STXBP5: variants seen among roughly 807,000 people sequenced by gnomAD.
The protein encoded by STXBP5 is syntaxin binding protein 5.
Under a neutral mutation model 152.4 loss-of-function variants are expected in STXBP5, and 50 were observed. That is an observed-to-expected ratio of 0.33 (90% confidence interval 0.26 to 0.42). STXBP5 has a LOEUF of 0.42. STXBP5 is among the 10% of genes least tolerant of loss of function. The pLI, the probability that STXBP5 is intolerant of heterozygous loss-of-function variation, is 1.00. For missense variants in STXBP5, 1,167 were observed against 1,388.6 expected (o/e 0.84, Z 2.54); for synonymous variants, 492 against 494.7 (o/e 0.99, Z 0.07).
chr6:147,268,094 A>G lies in STXBP5; in HGVS notation c.714+927A>G, dbSNP rs78549214. On this transcript the variant is annotated intron_variant, in intron 7 of 27. Coordinates refer to ENST00000321680, the MANE Select transcript of STXBP5 (RefSeq NM_001127715.4). ...TCTCTAATGGTTTCCATGATGACCA[A>G]TTTATTCTGACTTTTAGTTTCACTG... Among the ~76,000 whole-genome samples the G allele has an allele frequency of 7.3e-3, 1,114 of 152,222 alleles. 15 individuals carry two copies. Among genetic ancestry groups the G allele is most frequent in the African/African-American group, 0.026 (1,064 of 41,536 alleles).
rs570963142 is a variant in STXBP5 at position 147,235,431 on chromosome 6, G to C, written c.330+100G>C. Reference sequence around the variant, plus strand: ...GCATTCACAATTTATTTACATATTTGAACAAAAATTAATTTATAATGGATC... The same window carrying C: ...GCATTCACAATTTATTTACATATTTCAACAAAAATTAATTTATAATGGATC... On this transcript the variant is annotated intron_variant, in intron 3 of 27. Coordinates refer to ENST00000321680, the MANE Select transcript of STXBP5 (RefSeq NM_001127715.4). 59 of 907,402 alleles carry C rather than the reference G, an allele frequency of 6.5e-5. No individual in the cohort carries two copies. The African/African-American group carries it at 8.7e-4, about 13-fold the overall frequency. 56.2% of individuals were successfully genotyped at this position (907,402 alleles called of 1,614,324 possible).
intron 2 of STXBP5, among the ~76,000 whole-genome samples, chr6:147,224,565 G>T (rs912072618): frequency 3.9e-5 from 6 of 152,220 alleles, no homozygotes; most frequent in African/African-American, 1.4e-4. Context: ...CTACAGCACA[G>T]TTAGATTGTT....
At chr6:147,316,543 A>G (rs144231123) in intron 16 of STXBP5, 136 bp downstream of exon 16, 58 of 773,872 alleles carry the variant, frequency 7.5e-5, no homozygotes, top group East Asian at 6.2e-4. Context: ...GTGTTTTGCT[A>G]TGGTTAGTCC....
intron 9 of STXBP5, among the ~76,000 whole-genome samples, chr6:147,296,606 A>G (rs915314118): frequency 1.3e-5 from 2 of 152,208 alleles, no homozygotes; most frequent in African/African-American, 4.8e-5. Context: ...AGAGGAACAC[A>G]ATAATTCTTC....
At chr6:147,287,127 T>G (rs903034234) in intron 8 of STXBP5, among the ~76,000 whole-genome samples, 1 of 147,868 alleles carries the variant, frequency 6.8e-6, no homozygotes, top group Non-Finnish European at 1.5e-5. Context: ...GGGGTATTAA[T>G]CCCCTCAAAC....
In STXBP5 at chr6:147,388,397, A is replaced by T. The variant is rs1455473660; in HGVS notation, c.*3642A>T. 6.6e-6 allele frequency: 1 copy of T among 151,704 alleles called. No individual in the cohort carries two copies. The highest frequency in any genetic ancestry group is 2.4e-5 in the African/African-American group (1 of 41,418). 9.4% of individuals were successfully genotyped at this position (151,704 alleles called of 1,614,324 possible). A position where few individuals can be genotyped will look rare whatever the true frequency, so the allele number is the denominator to read the frequency against. Reference sequence around the variant, plus strand: ...ACTTTCAGATTTGTTTTAAGATCATACAGTAACATGTTATATTTATACATA... The same window carrying T: ...ACTTTCAGATTTGTTTTAAGATCATTCAGTAACATGTTATATTTATACATA... On this transcript the variant is annotated 3_prime_UTR_variant, in exon 28 of 28. Coordinates refer to ENST00000321680, the MANE Select transcript of STXBP5 (RefSeq NM_001127715.4).
intron 7 of STXBP5, among the ~76,000 whole-genome samples, chr6:147,270,386 G>A (rs1215348277): frequency 3.1e-5 from 4 of 130,586 alleles, no homozygotes; most frequent in Non-Finnish European, 3.1e-5. Flanking sequence ...GCGACAGAGT[G>A]AGACTCTGTC....
intron 21 of STXBP5, among the ~76,000 whole-genome samples, chr6:147,347,328 C>A (rs946873459): frequency 3.9e-5 from 6 of 152,084 alleles, no homozygotes; most frequent in African/African-American, 1.4e-4. Flanking sequence ...AGTATGAAGA[C>A]AATAGGCAGA....
intron 8 of STXBP5, among the ~76,000 whole-genome samples, chr6:147,284,501 T>C (rs1464399194): frequency 1.3e-5 from 2 of 152,190 alleles, no homozygotes; most frequent in African/African-American, 4.8e-5. Flanking sequence ...ATATAATACA[T>C]TGTGATAAGT....
intron 22 of STXBP5, among the ~76,000 whole-genome samples, chr6:147,356,324 A>G (rs1784814594): frequency 6.6e-6 from 1 of 151,996 alleles, no homozygotes; most frequent in Non-Finnish European, 1.5e-5. Context: ...TTCTATTACT[A>G]TCACTACATC....
chr6:147,266,376 A>G (rs1387631179), intron 6 of STXBP5, among the ~76,000 whole-genome samples: 1 of 152,142 alleles, frequency 6.6e-6, no homozygotes. Context: ...ACTGGAGTCA[A>G]GGAGACCCGA....
At chr6:147,382,640 T>C (rs1786144391) in intron 26 of STXBP5, 138 bp from the exon 27 acceptor site, 1 of 818,080 alleles carries the variant, frequency 1.2e-6, no homozygotes, top group South Asian at 1.7e-5. Flanking sequence ...AAAGCATGTA[T>C]TAAGCATATT....
At chr6:147,325,379 A>T (rs776410896) in intron 17 of STXBP5, among the ~76,000 whole-genome samples, 5 of 152,142 alleles carry the variant, frequency 3.3e-5, no homozygotes, top group Non-Finnish European at 7.4e-5. Context: ...TCCCAGAAAT[A>T]ATTTTCTTAT....
chr6:147,378,188 AAGATAGGAAACAAT>A (rs1785905107), intron 26 of STXBP5, among the ~76,000 whole-genome samples: 1 of 152,078 alleles, frequency 6.6e-6, no homozygotes, highest in African/African-American at 2.4e-5. Flanking sequence ...ACTCTTCCAA[AAGATAGGAAACAAT>A]AGGTACACTC....
intron 6 of STXBP5, 29 bp downstream of exon 6, chr6:147,262,382 T>C (rs1375019998): frequency 7.5e-7 from 1 of 1,326,744 alleles, no homozygotes; most frequent in African/African-American, 1.5e-5. Context: ...AATTATATAT[T>C]AAATGCACAA....
intron 25 of STXBP5, among the ~76,000 whole-genome samples, chr6:147,372,039 A>G (rs1168247427): frequency 1.3e-5 from 2 of 152,192 alleles, no homozygotes; most frequent in African/African-American, 4.8e-5. Context: ...AGACATCAGT[A>G]TATTCTATAG....
At chr6:147,343,973 T>G (rs1784204447) in intron 21 of STXBP5, among the ~76,000 whole-genome samples, 1 of 152,168 alleles carries the variant, frequency 6.6e-6, no homozygotes, top group African/African-American at 2.4e-5. Flanking sequence ...ACAGGTGATT[T>G]TAATATTTTC....
At chr6:147,219,026 T>C (rs1582799753) in intron 2 of STXBP5, among the ~76,000 whole-genome samples, 2 of 152,266 alleles carry the variant, frequency 1.3e-5, no homozygotes, top group African/African-American at 4.8e-5. Flanking sequence ...GCCTTGTTTC[T>C]GATTGTAGTG....
chr6:147,310,285 T>TAA (rs11415538), intron 10 of STXBP5, 47 bp downstream of exon 10: 26,750 of 1,119,456 alleles, frequency 0.024, 53 homozygotes, highest in Non-Finnish European at 0.027. Context: ...GAGCTGATAT[T>TAA]AAAAAAAAAA....
Sources: gnomAD v4.1 joint callset for allele counts (sites outside exome capture counted in the v4.1 genomes callset) on GRCh38, gnomAD v4.1.1 for gene constraint, MANE v1.5 for transcripts, NCBI Gene and HGNC (gene_info 2026-07-23, HGNC 2026-07-21) for gene names.